ADK: variants seen among roughly 807,000 people sequenced by gnomAD.
ADK encodes adenosine kinase, also known as N6,N6-dimethyladenosine kinase.
Under a neutral mutation model 44.7 loss-of-function variants are expected in ADK, and 24 were observed. The observed-to-expected ratio is 0.54, with a 90% CI of 0.39 to 0.76. ADK has a LOEUF of 0.76. Ranked by LOEUF, ADK falls within the 30% of genes least tolerant of loss-of-function variation. The pLI, the probability that ADK is intolerant of heterozygous loss-of-function variation, is 0.00. For synonymous variants in ADK, 128 were observed against 142.6 expected, an observed-to-expected ratio of 0.90 and a Z score of 0.73; for missense variants, 321 against 425.1, an observed-to-expected ratio of 0.76 and a Z score of 2.15.
Position 74,708,232 on chromosome 10 carries a change from G to T in ADK, c.965-89G>T, listed in dbSNP as rs1053729934. 1.6e-5 allele frequency: 23 copies of T among 1,404,676 alleles called. No homozygotes were observed. The South Asian group carries it at 2.7e-4, about 16-fold the overall frequency. The allele number at this position is 1,404,676 out of a possible 1,614,324, so 87.0% of individuals were successfully genotyped here. On this transcript the variant is annotated intron_variant, in intron 10 of 10. Transcript: ENST00000539909. ...CTGTCAAGGCTGAAGAATGAGACAG[G>T]TGCTTAGATCATATATTGGTCTGAC... is the stretch of plus-strand genomic sequence containing the variant.
chr10:74,623,466 T>TGGGTC (rs1853071576), intron 9 of ADK, among the ~76,000 whole-genome samples: 1 of 152,064 alleles, frequency 6.6e-6, no homozygotes, highest in South Asian at 2.1e-4. Context: ...AAAATGTCCA[T>TGGGTC]ATATGATCTA....
chr10:74,226,059 T>C (rs1219602324), intron 3 of ADK, among the ~76,000 whole-genome samples: 1 of 152,206 alleles, frequency 6.6e-6, no homozygotes, highest in Non-Finnish European at 1.5e-5. Flanking sequence ...GTCCAAGATA[T>C]AATTCATCTC....
chr10:74,447,363 G>A (rs1845623110), intron 6 of ADK, among the ~76,000 whole-genome samples: 1 of 152,114 alleles, frequency 6.6e-6, no homozygotes, highest in Non-Finnish European at 1.5e-5. Context: ...AGGTTTATTA[G>A]GCAGAGTCAA....
At position 74,448,016 on chromosome 10, in the gene ADK, A is replaced by G. The variant is rs376594240; in HGVS notation, c.555+49437A>G. On this transcript the variant is annotated intron_variant, in intron 6 of 10. Transcript: ENST00000539909. ...TGGTGAAACCGCATCTCTACTAAAA[A>G]TACAAAAAATGGCAGACGTGGTGAT... Among the ~76,000 whole-genome samples the G allele has an allele frequency of 2.2e-4, 34 of 152,248 alleles. 1 individual carries two copies. In the East Asian group the frequency reaches 2.5e-3, roughly 11 times the overall value.
At chr10:74,367,228 A>G (rs547512884) in intron 4 of ADK, among the ~76,000 whole-genome samples, 110 of 152,310 alleles carry the variant, frequency 7.2e-4, no homozygotes, top group African/African-American at 1.4e-3. Flanking sequence ...GTAAATATGA[A>G]GAGTTCATAT....
intron 4 of ADK, among the ~76,000 whole-genome samples, chr10:74,327,154 G>A (rs1841050170): frequency 6.6e-6 from 1 of 151,994 alleles, no homozygotes; most frequent in African/African-American, 2.4e-5. Flanking sequence ...GGATTTATGT[G>A]TTAATTACTA....
chr10:74,531,193 C>T (rs1465620199), intron 7 of ADK, among the ~76,000 whole-genome samples: 1 of 152,144 alleles, frequency 6.6e-6, no homozygotes, highest in East Asian at 1.9e-4. Flanking sequence ...TCAGTGCACA[C>T]ATGAGGACCT....
chr10:74,320,458 A>G (rs1002088741), intron 4 of ADK, among the ~76,000 whole-genome samples: 2 of 152,068 alleles, frequency 1.3e-5, no homozygotes, highest in African/African-American at 4.8e-5. Context: ...TGTGTTTATC[A>G]TGTTTAGAGC....
intron 3 of ADK, among the ~76,000 whole-genome samples, chr10:74,270,297 A>G (rs1183918921): frequency 2.0e-5 from 3 of 152,254 alleles, no homozygotes; most frequent in Non-Finnish European, 2.9e-5. Context: ...TAACTGTAAT[A>G]AACCCAGTAT....
At chr10:74,454,954 G>A (rs1845891759) in intron 6 of ADK, among the ~76,000 whole-genome samples, 1 of 152,094 alleles carries the variant, frequency 6.6e-6, no homozygotes, top group African/African-American at 2.4e-5. Flanking sequence ...CAGTTACCAG[G>A]TTTTATGATC....
At chr10:74,544,478 A>G (rs569214783) in intron 7 of ADK, among the ~76,000 whole-genome samples, 1 of 152,364 alleles carries the variant, frequency 6.6e-6, no homozygotes, top group South Asian at 2.1e-4. Flanking sequence ...TTAATAGATT[A>G]CTATTTATAG....
chr10:74,457,462 G>A (rs779178886), intron 6 of ADK, among the ~76,000 whole-genome samples: 14 of 152,174 alleles, frequency 9.2e-5, no homozygotes, highest in East Asian at 1.9e-4. Flanking sequence ...ACAGTGTGGC[G>A]ATTCCTCAAG....
At chr10:74,369,682 TATATTTACTGGTGA>T (rs1477067557) in intron 4 of ADK, among the ~76,000 whole-genome samples, 46 of 152,052 alleles carry the variant, frequency 3.0e-4, no homozygotes, top group African/African-American at 9.7e-4. Flanking sequence ...ATGGTAATAT[TATATTTACTGGTGA>T]ATGTCTGAAT....
intron 7 of ADK, among the ~76,000 whole-genome samples, chr10:74,586,867 A>AT (rs1851543380): frequency 1.3e-5 from 2 of 149,458 alleles, no homozygotes; most frequent in African/African-American, 5.1e-5. Context: ...AAAAAAAAAA[A>AT]AATATATATG....
chr10:74,248,978 G>A (rs944676023), intron 3 of ADK, among the ~76,000 whole-genome samples: 1 of 152,138 alleles, frequency 6.6e-6, no homozygotes, highest in Non-Finnish European at 1.5e-5. Flanking sequence ...TGATATTTTG[G>A]TGTATATTTT....
intron 4 of ADK, among the ~76,000 whole-genome samples, chr10:74,376,070 A>G (rs868135024): frequency 1.3e-5 from 2 of 152,056 alleles, no homozygotes; most frequent in African/African-American, 4.8e-5. Context: ...CTATATTGCC[A>G]TAGGTACTTG....
At chr10:74,483,021 T>C (rs370004962) in intron 6 of ADK, among the ~76,000 whole-genome samples, 1 of 152,160 alleles carries the variant, frequency 6.6e-6, no homozygotes, top group African/African-American at 2.4e-5. Context: ...ACCATTCCAA[T>C]AGGCAGTTTC....
intron 4 of ADK, among the ~76,000 whole-genome samples, chr10:74,341,001 A>G (rs1841564466): frequency 6.6e-6 from 1 of 152,176 alleles, no homozygotes; most frequent in African/African-American, 2.4e-5. Context: ...TTCATTAGAC[A>G]TCTATCATTA....
chr10:74,380,638 G>C (rs1842952001), intron 4 of ADK, among the ~76,000 whole-genome samples: 1 of 151,932 alleles, frequency 6.6e-6, no homozygotes, highest in African/African-American at 2.4e-5. Flanking sequence ...TGCACCTGTA[G>C]TCCCAGCTAC....
Sources: gnomAD v4.1 joint callset for allele counts (sites outside exome capture counted in the v4.1 genomes callset) on GRCh38, gnomAD v4.1.1 for gene constraint, MANE v1.5 for transcripts, NCBI Gene and HGNC (gene_info 2026-07-23, HGNC 2026-07-21) for gene names.